Variants in SDK1 observed in about 807,000 individuals in gnomAD.
SDK1 encodes sidekick cell adhesion molecule 1, also known as protein sidekick-1.
SDK1 carries 157 observed loss-of-function variants against 245.5 expected under a neutral mutation model. The ratio of observed to expected loss-of-function variants is 0.64; its 90% CI spans 0.56 to 0.73. The LOEUF (loss-of-function observed/expected upper bound fraction) is 0.73. Among genes scored for constraint, SDK1 ranks in the 30% least tolerant of loss-of-function variants. The pLI is 0.00. For synonymous variants in SDK1, 1,647 were observed against 1,278.5 expected, an observed-to-expected ratio of 1.29 and a Z score of -6.15; for missense variants, 3,583 against 3,002.3, an observed-to-expected ratio of 1.19 and a Z score of -4.52.
chr7:3,661,264 G>A (rs7800550), intron 4 of SDK1, among the ~76,000 whole-genome samples: 1 of 152,040 alleles, frequency 6.6e-6, no homozygotes, highest in South Asian at 2.1e-4. Flanking sequence ...GAGAAACCAT[G>A]GTTTGGTTTG....
intron 1 of SDK1, among the ~76,000 whole-genome samples, chr7:3,362,246 A>G (rs1780973004): frequency 6.6e-6 from 1 of 152,220 alleles, no homozygotes; most frequent in South Asian, 2.1e-4. Context: ...CTGTTTTCAC[A>G]TAGTATAGTA....
intron 4 of SDK1, among the ~76,000 whole-genome samples, chr7:3,743,834 A>C (rs940101652): frequency 6.6e-6 from 1 of 152,106 alleles, no homozygotes; most frequent in Non-Finnish European, 1.5e-5. Flanking sequence ...CGATGCCTGG[A>C]CCTTACTGGC....
At chr7:3,401,448 A>G (rs1441396468) in intron 1 of SDK1, among the ~76,000 whole-genome samples, 1 of 152,198 alleles carries the variant, frequency 6.6e-6, no homozygotes, top group African/African-American at 2.4e-5. Flanking sequence ...GAGAGAGAGC[A>G]TCTGTAGAGT....
rs1788586059 is a variant in SDK1 at position 4,268,191 on chromosome 7, GC to G, written c.*2808del. Reference sequence around the variant, plus strand: ...AGTCTCCCCACCCACCCCCAACGTGGCTCATTTCAGATTGCTTCGGCCCCAC... The same window carrying G: ...AGTCTCCCCACCCACCCCCAACGTGGTCATTTCAGATTGCTTCGGCCCCAC... On this transcript the variant is annotated 3_prime_UTR_variant, in exon 45 of 45. Coordinates refer to ENST00000404826, the MANE Select transcript of SDK1 (RefSeq NM_152744.4). 1.0e-6 allele frequency: 1 copy of G among 987,222 alleles called. No individual in the cohort carries two copies. Among genetic ancestry groups the G allele is most frequent in the African/African-American group, 1.7e-5 (1 of 57,376 alleles). 61.2% of individuals were successfully genotyped at this position (987,222 alleles called of 1,614,324 possible).
chr7:3,954,916 T>C (rs933026718), intron 7 of SDK1, among the ~76,000 whole-genome samples: 2 of 152,134 alleles, frequency 1.3e-5, no homozygotes, highest in Non-Finnish European at 2.9e-5. Flanking sequence ...TTTTTCATGT[T>C]TAGTGTCTCT....
chr7:3,759,311 T>A (rs1780025915), intron 4 of SDK1, among the ~76,000 whole-genome samples: 1 of 152,178 alleles, frequency 6.6e-6, no homozygotes, highest in Admixed American at 6.5e-5. Context: ...ATGCTCATGT[T>A]GGTGGCTATT....
chr7:3,346,827 A>ATATATTT (rs1228887289), intron 1 of SDK1, among the ~76,000 whole-genome samples: 6 of 16,384 alleles, frequency 3.7e-4, no homozygotes, highest in Non-Finnish European at 5.3e-4. Context: ...ATATATATAT[A>ATATATTT]TTTTTTTTTT....
At chr7:3,598,733 A>G (rs1562592076) in intron 1 of SDK1, among the ~76,000 whole-genome samples, 1 of 152,150 alleles carries the variant, frequency 6.6e-6, no homozygotes, top group Non-Finnish European at 1.5e-5. Context: ...TTGGGATCAC[A>G]TTTTTGTCAC....
At chr7:3,588,185 A>G (rs1211521640) in intron 1 of SDK1, among the ~76,000 whole-genome samples, 1 of 152,226 alleles carries the variant, frequency 6.6e-6, no homozygotes, top group East Asian at 1.9e-4. Flanking sequence ...TTTGTCAGTC[A>G]AATATAAGGT....
rs1277840703 is a variant in SDK1, at chr7:3,968,145, TA to T, written c.1546+713del. ...AGCTCTTCCTTGTGACATTCAGAAT[TA>T]AGGATCACGGCCTTTGTTTTGTTGA... On this transcript the variant is annotated intron_variant, in intron 10 of 44. Coordinates refer to ENST00000404826, the MANE Select transcript of SDK1 (RefSeq NM_152744.4). Among the ~76,000 whole-genome samples the T allele has an allele frequency of 3.3e-5, 5 of 152,232 alleles. No individual in the cohort carries two copies. In the East Asian group the frequency reaches 9.6e-4, roughly 29 times the overall value.
At chr7:3,720,667 G>A (rs1785341769) in intron 4 of SDK1, among the ~76,000 whole-genome samples, 1 of 152,182 alleles carries the variant, frequency 6.6e-6, no homozygotes, top group Non-Finnish European at 1.5e-5. Context: ...AGAAAATAGG[G>A]AGTTGAGAAT....
intron 26 of SDK1, among the ~76,000 whole-genome samples, chr7:4,127,786 C>G (rs1422993961): frequency 6.6e-6 from 1 of 152,250 alleles, no homozygotes; most frequent in African/African-American, 2.4e-5. Flanking sequence ...CCTCGCTGGC[C>G]TCAGTGCCGC....
At chr7:3,370,270 A>C (rs1267073699) in intron 1 of SDK1, among the ~76,000 whole-genome samples, 3 of 152,186 alleles carry the variant, frequency 2.0e-5, no homozygotes, top group Non-Finnish European at 4.4e-5. Context: ...TTTTTCAGAC[A>C]GTGAAGCAGA....
intron 13 of SDK1, among the ~76,000 whole-genome samples, chr7:3,982,270 A>C (rs961025598): frequency 6.6e-6 from 1 of 152,198 alleles, no homozygotes; most frequent in Non-Finnish European, 1.5e-5. Flanking sequence ...GAAAAGAAAA[A>C]TTCCTTTGAA....
chr7:3,305,424 C>G (rs144411534), intron 1 of SDK1, among the ~76,000 whole-genome samples: 1 of 152,312 alleles, frequency 6.6e-6, no homozygotes, highest in Non-Finnish European at 1.5e-5. Flanking sequence ...TGGTCTGGGT[C>G]ACTTTTCTCA....
chr7:4,116,651 G>A (rs1240337472), intron 25 of SDK1, among the ~76,000 whole-genome samples: 3 of 152,230 alleles, frequency 2.0e-5, no homozygotes, highest in Non-Finnish European at 4.4e-5. Context: ...CAAAGCTCCT[G>A]TGCCACTTTG....
chr7:4,144,623 G>A (rs582911), intron 28 of SDK1, among the ~76,000 whole-genome samples: 12 of 152,032 alleles, frequency 7.9e-5, no homozygotes, highest in African/African-American at 2.4e-4. Flanking sequence ...CTGTGAGCTC[G>A]GTCGTTCATG....
At chr7:4,174,985 C>T (rs954717936) in intron 33 of SDK1, among the ~76,000 whole-genome samples, 2 of 152,230 alleles carry the variant, frequency 1.3e-5, no homozygotes, top group African/African-American at 2.4e-5. Context: ...TTGACATCCT[C>T]GTGCCGGGGA....
intron 4 of SDK1, among the ~76,000 whole-genome samples, chr7:3,761,847 T>C (rs1780115077): frequency 6.6e-6 from 1 of 152,204 alleles, no homozygotes; most frequent in Non-Finnish European, 1.5e-5. Flanking sequence ...ATGAAGCCTT[T>C]GTATTTGCTT....
Sources: allele counts gnomAD v4.1 joint callset (sites outside exome capture counted in the v4.1 genomes callset), GRCh38; gene constraint gnomAD v4.1.1; transcripts MANE v1.5; gene names NCBI Gene and HGNC (gene_info 2026-07-23, HGNC 2026-07-21).